CREB5: variants seen among roughly 807,000 people sequenced by gnomAD.
CREB5 encodes cyclic AMP-responsive element-binding protein 5.
CREB5 carries 19 observed loss-of-function variants against 57.1 expected under a neutral mutation model. The observed-to-expected ratio is 0.33, with a 90% CI of 0.23 to 0.49. The LOEUF is 0.49. Ranked by LOEUF, CREB5 falls within the 20% of genes least tolerant of loss-of-function variation. The pLI is 0.99. For missense variants in CREB5, 579 were observed against 671.6 expected, an observed-to-expected ratio of 0.86 and a Z score of 1.52; for synonymous variants, 238 against 238.3, an observed-to-expected ratio of 1.00 and a Z score of 0.01.
intron 5 of CREB5, among the ~76,000 whole-genome samples, chr7:28,584,716 G>A (rs1464259016): frequency 6.6e-6 from 1 of 151,626 alleles, no homozygotes; most frequent in African/African-American, 2.4e-5. Context: ...TGCAGCCCTA[G>A]AAAACGAATA....
At chr7:28,381,374 T>C (rs1786963130) in intron 1 of CREB5, among the ~76,000 whole-genome samples, 1 of 152,196 alleles carries the variant, frequency 6.6e-6, no homozygotes, top group Admixed American at 6.5e-5. Flanking sequence ...ATTATCCTCA[T>C]TTTAAAGGGA....
intron 7 of CREB5, among the ~76,000 whole-genome samples, chr7:28,764,304 TAC>T (rs1805833535): frequency 6.6e-6 from 1 of 151,896 alleles, no homozygotes; most frequent in Admixed American, 6.6e-5. Flanking sequence ...TAACAAGTTA[TAC>T]AGTTTTACAC....
intron 1 of CREB5, among the ~76,000 whole-genome samples, chr7:28,311,891 G>C (rs556533852): frequency 2.6e-5 from 4 of 152,210 alleles, no homozygotes; most frequent in African/African-American, 9.6e-5. Flanking sequence ...CCCCAGTGTC[G>C]GTCTCCCTGC....
intron 5 of CREB5, among the ~76,000 whole-genome samples, chr7:28,611,635 C>T (rs1258230311): frequency 6.6e-6 from 1 of 150,616 alleles, no homozygotes; most frequent in Admixed American, 6.6e-5. Context: ...GAGATTGCGC[C>T]ACTGCACTCT....
At chr7:28,582,579 A>C (rs1440030409) in intron 5 of CREB5, among the ~76,000 whole-genome samples, 1 of 152,174 alleles carries the variant, frequency 6.6e-6, no homozygotes, top group Non-Finnish European at 1.5e-5. Flanking sequence ...GAGTTTTCCA[A>C]AGTCTAACTG....
intron 5 of CREB5, among the ~76,000 whole-genome samples, chr7:28,657,669 A>G (rs534824091): frequency 2.9e-5 from 4 of 139,232 alleles, no homozygotes; most frequent in Non-Finnish European, 4.6e-5. Flanking sequence ...GTGAGCGGAG[A>G]TCGTGCCACT....
At chr7:28,524,435 T>C (rs2128618094) in intron 4 of CREB5, among the ~76,000 whole-genome samples, 1 of 151,782 alleles carries the variant, frequency 6.6e-6, no homozygotes, top group East Asian at 1.9e-4. Flanking sequence ...AACCTGGAAG[T>C]GAGCTGCAGT....
intron 1 of CREB5, among the ~76,000 whole-genome samples, chr7:28,452,992 T>A (rs537736345): frequency 2.6e-5 from 4 of 152,228 alleles, no homozygotes; most frequent in Non-Finnish European, 5.9e-5. Context: ...CAGCTGTGAA[T>A]GTGCAGCCCG....
In CREB5 at chr7:28,788,004, G is replaced by T. The variant is rs553438099; in HGVS notation, c.703-16195G>T. Among the ~76,000 whole-genome samples the T allele has an allele frequency of 5.9e-5, 9 of 152,260 alleles. 1 individual carries two copies. The South Asian group carries it at 1.9e-3, about 32-fold the overall frequency. ...ATACCAGTCAATTTTAATACCACATGATAGTGGTCCTGTGGTGTCTCCTTC... is the reference window on the plus strand; with the variant it reads ...ATACCAGTCAATTTTAATACCACATTATAGTGGTCCTGTGGTGTCTCCTTC... On this transcript the variant is annotated intron_variant, in intron 7 of 10. Transcript: ENST00000357727.
At chr7:28,622,418 C>T (rs1368080080) in intron 5 of CREB5, among the ~76,000 whole-genome samples, 1 of 152,060 alleles carries the variant, frequency 6.6e-6, no homozygotes, top group Non-Finnish European at 1.5e-5. Context: ...CAGCTATTTA[C>T]AAGACTATGA....
At chr7:28,320,088 G>C (rs1328410804) in intron 1 of CREB5, among the ~76,000 whole-genome samples, 1 of 151,924 alleles carries the variant, frequency 6.6e-6, no homozygotes, top group Non-Finnish European at 1.5e-5. Context: ...GTGCCACCAT[G>C]CCTGGCTAAT....
At chr7:28,323,586 A>G (rs34901999) in intron 1 of CREB5, among the ~76,000 whole-genome samples, 25,165 of 151,780 alleles carry the variant, frequency 0.17, 2,178 homozygotes, top group East Asian at 0.25. Flanking sequence ...TCTTATCAGT[A>G]TCTCCCCTCC....
At chr7:28,332,121 G>T (rs1358119184) in intron 1 of CREB5, among the ~76,000 whole-genome samples, 1 of 152,150 alleles carries the variant, frequency 6.6e-6, no homozygotes, top group Admixed American at 6.5e-5. Context: ...AGAGGAGAAG[G>T]CTACATGAAG....
chr7:28,306,923 G>A (rs559886847), intron 1 of CREB5, among the ~76,000 whole-genome samples: 1 of 152,328 alleles, frequency 6.6e-6, no homozygotes, highest in East Asian at 1.9e-4. Flanking sequence ...TGAGAATGAT[G>A]ATTGGAGTAG....
At chr7:28,390,001 C>T (rs1239151616) in intron 1 of CREB5, among the ~76,000 whole-genome samples, 1 of 151,242 alleles carries the variant, frequency 6.6e-6, no homozygotes, top group Non-Finnish European at 1.5e-5. Context: ...GTAATTTACT[C>T]CTACAGTTCC....
chr7:28,594,149 A>C (rs1796619425), intron 5 of CREB5, among the ~76,000 whole-genome samples: 1 of 152,206 alleles, frequency 6.6e-6, no homozygotes, highest in African/African-American at 2.4e-5. Context: ...TACAAATGAA[A>C]ACTGGTGTTG....
intron 5 of CREB5, among the ~76,000 whole-genome samples, chr7:28,639,796 A>C (rs1319562639): frequency 1.3e-5 from 2 of 152,202 alleles, no homozygotes; most frequent in Non-Finnish European, 2.9e-5. Flanking sequence ...TTGATACTTA[A>C]AAGCATGTCA....
chr7:28,325,794 T>G (rs1306357161), intron 1 of CREB5, among the ~76,000 whole-genome samples: 1 of 152,258 alleles, frequency 6.6e-6, no homozygotes, highest in Non-Finnish European at 1.5e-5. Context: ...TTGTTATTTA[T>G]GTCATTATGT....
At chr7:28,625,167 A>C (rs2128688872) in intron 5 of CREB5, among the ~76,000 whole-genome samples, 1 of 152,300 alleles carries the variant, frequency 6.6e-6, no homozygotes, top group East Asian at 1.9e-4. Context: ...AACTGAATTC[A>C]AGTTACAGGG....
Sources: allele counts gnomAD v4.1 joint callset (sites outside exome capture counted in the v4.1 genomes callset), GRCh38; gene constraint gnomAD v4.1.1; transcripts MANE v1.5; gene names NCBI Gene and HGNC (gene_info 2026-07-23, HGNC 2026-07-21).